ART3: variants seen among roughly 807,000 people sequenced by gnomAD.
ART3 encodes the protein ADP-ribosyltransferase 3 (inactive), also known as ecto-ADP-ribosyltransferase 3.
Under a neutral mutation model 48.5 loss-of-function variants are expected in ART3, and 49 were observed. That is an observed-to-expected ratio of 1.01 (90% CI 0.80 to 1.28). The LOEUF (loss-of-function observed/expected upper bound fraction) is 1.28, where lower values mean the gene tolerates loss of function less well. Among genes scored for constraint, ART3 ranks in the 50% most tolerant of loss-of-function variants. The pLI, the probability that ART3 is intolerant of heterozygous loss-of-function variation, is 0.00. For missense variants in ART3, 438 were observed against 454.3 expected (o/e 0.96, Z 0.33); for synonymous variants, 145 against 157.2 (o/e 0.92, Z 0.58).
chr4:76,022,583 T>A, intron 1 of ART3: 1 of 1,486,966 alleles, frequency 6.7e-7, no homozygotes, highest in Non-Finnish European at 9.2e-7. Context: ...TACATTAGTT[T>A]TAGAATCATC....
chr4:76,036,384 T>G (rs370113661), intron 1 of ART3, among the ~76,000 whole-genome samples: 10 of 152,170 alleles, frequency 6.6e-5, no homozygotes, highest in African/African-American at 2.4e-4. Flanking sequence ...TGTGTTTCTG[T>G]TTTTGGTCCT....
chr4:76,071,623 A>G (rs1211589033), upstream of ART3, among the ~76,000 whole-genome samples: 4 of 152,180 alleles, frequency 2.6e-5, no homozygotes, highest in South Asian at 6.2e-4. Flanking sequence ...GCTAAATCCA[A>G]TGGTCAGTTC....
At position 76,040,648 on chromosome 4, in the gene ART3, G is replaced by A. The variant is rs1578280395; in HGVS notation, c.-10+29328G>A. Reference sequence around the variant, plus strand: ...AAGACTACTGCATAATCTTCCTCACGGAGGCTGCTGCTTGTGTATGACCCT... The same window carrying A: ...AAGACTACTGCATAATCTTCCTCACAGAGGCTGCTGCTTGTGTATGACCCT... On this transcript the variant is annotated intron_variant, in intron 1 of 9. Coordinates refer to the ART3 transcript ENST00000341029. Among the ~76,000 whole-genome samples the A allele has an allele frequency of 2.0e-5, 3 of 151,360 alleles. No homozygotes were observed. In the Admixed American group the frequency reaches 2.0e-4, roughly 10 times the overall value.
intron 3 of ART3, among the ~76,000 whole-genome samples, chr4:76,085,687 G>A (rs1723397987): frequency 6.6e-6 from 1 of 152,140 alleles, no homozygotes; most frequent in Non-Finnish European, 1.5e-5. Context: ...TGGAGAAGAG[G>A]GAACCCTGGA....
intron 1 of ART3, among the ~76,000 whole-genome samples, chr4:76,033,005 A>G (rs1454668009): frequency 6.6e-6 from 1 of 151,946 alleles, no homozygotes; most frequent in East Asian, 1.9e-4. Context: ...AACCTATATA[A>G]TAATGCAATA....
chr4:76,064,552 T>C (rs1719527489), intron 1 of ART3, among the ~76,000 whole-genome samples: 1 of 152,214 alleles, frequency 6.6e-6, no homozygotes, highest in South Asian at 2.1e-4. Context: ...AACTATACTT[T>C]TGATTTTTAA....
intron 3 of ART3, among the ~76,000 whole-genome samples, chr4:76,084,585 C>T (rs1162351585): frequency 1.3e-5 from 2 of 152,100 alleles, no homozygotes; most frequent in African/African-American, 4.8e-5. Context: ...TTTCTTTATT[C>T]CCAACATTCT....
chr4:76,036,203 A>G (rs1734390969), intron 1 of ART3: 1 of 527,288 alleles, frequency 1.9e-6, no homozygotes, highest in Admixed American at 3.7e-5. Flanking sequence ...TCTCTTCTAA[A>G]TGTTACTGTC....
At chr4:76,036,904 C>A in intron 1 of ART3, 1 of 212,194 alleles carries the variant, frequency 4.7e-6, no homozygotes, top group East Asian at 1.3e-4. Context: ...CATGCCACGC[C>A]ACTCGTTAGG....
chr4:76,058,503 A>G (rs1204848589), intron 1 of ART3: 1 of 152,214 alleles, frequency 6.6e-6, no homozygotes, highest in African/African-American at 2.4e-5. Context: ...ATTGACAGTT[A>G]CTGACTCAGT....
In ART3 at chr4:76,082,073, G is replaced by T; in HGVS notation, c.319G>T (p.Glu107Ter). Residue 107 changes from glutamate to a stop codon, truncating the protein, a stop_gained, in exon 3 of 12, where the codon GAG (glutamate) becomes TAG (stop). Coordinates refer to ENST00000355810, the MANE Select transcript of ART3 (RefSeq NM_001130016.3). LOFTEE classifies it high-confidence loss of function. ...GATGGCATATATTTCCGAAGCTCAA[G>T]AGCAAACTCCCTTTTACCATCTGTT... ...ALMAYISEAQ[E>*]QTPFYHLFSE... is the part of the protein sequence containing the mutation. The T allele has an allele frequency of 6.2e-7, 1 of 1,614,220 alleles. No individual in the cohort carries two copies. The highest frequency in any genetic ancestry group is 1.3e-5 in the African/African-American group (1 of 75,046).
At position 76,081,781 on chromosome 4, in the gene ART3, G is replaced by GGC. The variant is rs1722538225; in HGVS notation, c.70-43_70-42insGC. The GGC allele has an allele frequency of 9.7e-6, 15 of 1,553,118 alleles. No individual in the cohort carries two copies. In the East Asian group the frequency reaches 3.4e-4, roughly 35 times the overall value. On this transcript the variant is annotated intron_variant, in intron 2 of 11. Transcript: ENST00000355810. The stretch of plus-strand genomic sequence containing the variant: ...AATGTGAGAGAAAATGATATTCACT[G>GGC]AATTTCTTATTTCAAGAGTATTAAT...
chr4:76,087,917 A>G (rs993708020), intron 3 of ART3, among the ~76,000 whole-genome samples: 1 of 152,226 alleles, frequency 6.6e-6, no homozygotes, highest in African/African-American at 2.4e-5. Context: ...ATCAAGCTAC[A>G]TCCATTATCA....
chr4:76,102,205 G>A (rs1727489474), intron 8 of ART3, among the ~76,000 whole-genome samples: 1 of 152,204 alleles, frequency 6.6e-6, no homozygotes, highest in Non-Finnish European at 1.5e-5. Context: ...TAACTGATTA[G>A]TTAACATCAG....
intron 1 of ART3, among the ~76,000 whole-genome samples, chr4:76,069,483 G>A (rs1330489404): frequency 2.7e-5 from 4 of 146,382 alleles, no homozygotes; most frequent in African/African-American, 5.1e-5. Context: ...TTCACCTTCC[G>A]GGTTCAAGCG....
intron 6 of ART3, 128 bp downstream of exon 6, chr4:76,100,448 T>G: frequency 1.1e-6 from 1 of 933,706 alleles, no homozygotes. Context: ...CTGGCCAACA[T>G]AGTAAAACCC....
intron 3 of ART3, among the ~76,000 whole-genome samples, chr4:76,090,949 T>G (rs80160160): frequency 0.012 from 1,852 of 152,324 alleles, 43 homozygotes; most frequent in African/African-American, 0.042. Context: ...CTAATGTACT[T>G]GCTGTCACTA....
Position 76,082,198 on chromosome 4 carries a change from G to T in ART3, c.444G>T (p.Leu148Phe), listed in dbSNP as rs1324883261. 3 of 1,614,182 alleles carry T rather than the reference G, an allele frequency of 1.9e-6. No homozygotes were observed. Among genetic ancestry groups the T allele is most frequent in the Non-Finnish European group, 2.5e-6 (3 of 1,180,040 alleles). Residue 148 changes from leucine (L) to phenylalanine (F), a missense_variant, in exon 3 of 12, where the codon TTG becomes TTT. Coordinates refer to ENST00000355810, the MANE Select transcript of ART3 (RefSeq NM_001130016.3). ...TTTACCTCACAAGAGCCCTGCAGTT[G>T]CTGAGAAAACCTTGTGAGGCCAGTT... Reference protein sequence around the residue: ...FHFYLTRALQLLRKPCEASSK... With the variant: ...FHFYLTRALQFLRKPCEASSK...
At chr4:76,043,129 C>T (rs1289301968) in intron 1 of ART3, among the ~76,000 whole-genome samples, 1 of 151,904 alleles carries the variant, frequency 6.6e-6, no homozygotes, top group Non-Finnish European at 1.5e-5. Flanking sequence ...ATTTACAAAC[C>T]TTGAGCTAGA....
Sources: allele counts gnomAD v4.1 joint callset (sites outside exome capture counted in the v4.1 genomes callset), GRCh38; gene constraint gnomAD v4.1.1; transcripts MANE v1.5; gene names NCBI Gene and HGNC (gene_info 2026-07-23, HGNC 2026-07-21).